Variants in RANBP2 observed in about 807,000 individuals in gnomAD.
RANBP2 encodes E3 SUMO-protein ligase RanBP2.
In RANBP2, 57 loss-of-function variants were observed where a neutral mutation model predicts 303.6. The ratio of observed to expected loss-of-function variants is 0.19; its 90% CI spans 0.15 to 0.23. The LOEUF is 0.23. RANBP2 is among the 10% of genes least tolerant of loss of function. RANBP2 has a pLI of 1.00. For missense variants in RANBP2, 3,138 were observed against 3,780.8 expected, an observed-to-expected ratio of 0.83 and a Z score of 4.46; for synonymous variants, 1,167 against 1,301.5, an observed-to-expected ratio of 0.90 and a Z score of 2.23.
chr2:109,550,347 C>CT, the RANBP2 span, among the ~76,000 whole-genome samples: 216 of 151,124 alleles, frequency 1.4e-3, no homozygotes, highest in African/African-American at 4.8e-3. Flanking sequence ...GATTCTCGCT[C>CT]TGTTGCCCAG....
chr2:109,371,498 G>A, the RANBP2 span: 2 of 1,050,152 alleles, frequency 1.9e-6, no homozygotes, highest in South Asian at 1.4e-5. Flanking sequence ...TCTCTTCCGA[G>A]CCTCCACAGT....
At chr2:109,686,206 G>A in the RANBP2 span, among the ~76,000 whole-genome samples, 1 of 152,174 alleles carries the variant, frequency 6.6e-6, no homozygotes, top group South Asian at 2.1e-4. Context: ...TTGTGTTGAA[G>A]CAAGTTAAGC....
the RANBP2 span, among the ~76,000 whole-genome samples, chr2:109,254,763 C>T: frequency 2.0e-5 from 3 of 152,094 alleles, no homozygotes; most frequent in Non-Finnish European, 2.9e-5. Flanking sequence ...TTTAGTGGCT[C>T]GGGACAGTGC....
chr2:108,740,416 T>C, intron 6 of RANBP2, 73 bp from the exon 7 acceptor site: 5 of 1,589,418 alleles, frequency 3.1e-6, no homozygotes, highest in African/African-American at 1.3e-5. Context: ...TTATTTTGTT[T>C]TGAATTAAAT....
the RANBP2 span, among the ~76,000 whole-genome samples, chr2:109,680,210 G>A: frequency 0.012 from 1,780 of 147,962 alleles, 40 homozygotes; most frequent in African/African-American, 0.043. Flanking sequence ...AAAATTAGCC[G>A]GGCATGGTGG....
the RANBP2 span, among the ~76,000 whole-genome samples, chr2:108,962,667 T>G: frequency 9.7e-6 from 1 of 102,872 alleles, no homozygotes; most frequent in Non-Finnish European, 1.8e-5. Flanking sequence ...AGAGCGAGAC[T>G]CTGTCTCAAA....
At chr2:109,061,514 A>C in the RANBP2 span, among the ~76,000 whole-genome samples, 3,982 of 152,142 alleles carry the variant, frequency 0.026, 136 homozygotes, top group African/African-American at 0.077. Flanking sequence ...GACTTGGAAG[A>C]CTTCAGGGAA....
the RANBP2 span, among the ~76,000 whole-genome samples, chr2:109,251,071 G>A: frequency 6.6e-6 from 1 of 151,502 alleles, no homozygotes; most frequent in East Asian, 1.9e-4. Context: ...GCATGATCTC[G>A]GCTCATGGCA....
At chr2:109,336,428 A>T in the RANBP2 span, among the ~76,000 whole-genome samples, 2 of 152,230 alleles carry the variant, frequency 1.3e-5, no homozygotes, top group Non-Finnish European at 2.9e-5. Context: ...TTGGAAGGGA[A>T]GCTGCCACCA....
chr2:108,846,712 A>G, the RANBP2 span: 3 of 1,568,468 alleles, frequency 1.9e-6, no homozygotes, highest in Non-Finnish European at 2.6e-6. Flanking sequence ...GAATAAATAT[A>G]CTAAGATTGT....
chr2:108,749,066 G>A lies in RANBP2; in HGVS notation c.1210G>A (p.Asp404Asn), dbSNP rs371319181. Reference protein sequence around the residue: ...SPKDTSFLGSDDIGNIDVREP... With the variant: ...SPKDTSFLGSNDIGNIDVREP... ...TAAGGATACATCTTTTCTTGGTAGC[G>A]ATGATATTGGAAACATTGATGTACG... The change falls in exon 9 of 29, where the codon GAT becomes AAT. Residue 404 changes from aspartate to asparagine, a missense_variant. Physicochemically the swap from Asp to Asn is conservative, Grantham distance 23. Transcript: ENST00000283195. The A allele has an allele frequency of 9.9e-6, 16 of 1,611,812 alleles. No homozygotes were observed. Among genetic ancestry groups the A allele is most frequent in the African/African-American group, 4.0e-5 (3 of 74,834 alleles).
the RANBP2 span, among the ~76,000 whole-genome samples, chr2:109,100,096 A>C: frequency 6.6e-6 from 1 of 152,350 alleles, no homozygotes; most frequent in African/African-American, 2.4e-5. Context: ...AGGGGAGATT[A>C]ATAGATAATT....
chr2:109,381,066 C>T, the RANBP2 span, among the ~76,000 whole-genome samples: 243 of 152,334 alleles, frequency 1.6e-3, 3 homozygotes, highest in African/African-American at 5.4e-3. Context: ...GCTTCCTCCA[C>T]GGGTCTACCA....
the RANBP2 span, among the ~76,000 whole-genome samples, chr2:109,215,704 G>A: frequency 2.0e-5 from 3 of 152,306 alleles, no homozygotes; most frequent in African/African-American, 7.2e-5. Context: ...CACCCAGACC[G>A]TGTGACTCAC....
the RANBP2 span, among the ~76,000 whole-genome samples, chr2:109,506,443 C>T: frequency 6.6e-6 from 1 of 152,196 alleles, no homozygotes; most frequent in African/African-American, 2.4e-5. Context: ...TAGAGAGGCA[C>T]CTAAACAACC....
At chr2:109,604,389 A>AGGGGAGGGGAGGGGAGGGGC in the RANBP2 span, among the ~76,000 whole-genome samples, 2 of 26,702 alleles carry the variant, frequency 7.5e-5, no homozygotes, top group Non-Finnish European at 7.2e-5. Context: ...AGGGAAGGGG[A>AGGGGAGGGGAGGGGAGGGGC]GGGGCGGGGC....
At chr2:109,616,740 T>G in the RANBP2 span, 1 of 167,126 alleles carries the variant, frequency 6.0e-6, no homozygotes, top group East Asian at 1.9e-4. Context: ...CATTCACTTC[T>G]GTAGTATGGT....
the RANBP2 span, among the ~76,000 whole-genome samples, chr2:109,732,391 G>A: frequency 6.6e-6 from 1 of 152,038 alleles, no homozygotes; most frequent in Non-Finnish European, 1.5e-5. Flanking sequence ...CACAAGCCTG[G>A]AGCCTCCATC....
chr2:108,805,011 A>C, the RANBP2 span: 3 of 1,485,230 alleles, frequency 2.0e-6, no homozygotes, highest in Non-Finnish European at 9.0e-7. Flanking sequence ...AAAAACAGGT[A>C]AGACCTGTTT....
Sources: allele counts gnomAD v4.1 joint callset (sites outside exome capture counted in the v4.1 genomes callset), GRCh38; gene constraint gnomAD v4.1.1; transcripts MANE v1.5; gene names NCBI Gene and HGNC (gene_info 2026-07-23, HGNC 2026-07-21).